PTPRT: variants seen among roughly 807,000 people sequenced by gnomAD.
The protein encoded by PTPRT is receptor-type tyrosine-protein phosphatase T.
A neutral mutation model predicts 176.8 loss-of-function variants in PTPRT; 56 were observed. That is an observed-to-expected ratio of 0.32 (90% CI 0.26 to 0.40). PTPRT has a LOEUF of 0.40. PTPRT is among the 10% of genes least tolerant of loss of function. The pLI, the probability that PTPRT is intolerant of heterozygous loss-of-function variation, is 1.00. For missense variants in PTPRT, 1,540 were observed against 1,908.2 expected (o/e 0.81, Z 3.60); for synonymous variants, 783 against 739.0 (o/e 1.06, Z -0.96).
chr20:43,129,827 C>T (rs2013586849), intron 1 of PTPRT, among the ~76,000 whole-genome samples: 1 of 151,418 alleles, frequency 6.6e-6, no homozygotes, highest in Admixed American at 6.6e-5. Context: ...ACCGTTTTAG[C>T]CGGGATGGTC....
intron 2 of PTPRT, among the ~76,000 whole-genome samples, chr20:42,818,100 T>C (rs1180885807): frequency 6.6e-6 from 1 of 152,146 alleles, no homozygotes; most frequent in African/African-American, 2.4e-5. Context: ...AGATACCCTA[T>C]ACAGGAGCAA....
At chr20:43,041,622 A>G (rs1050087545) in intron 1 of PTPRT, among the ~76,000 whole-genome samples, 1 of 152,138 alleles carries the variant, frequency 6.6e-6, no homozygotes, top group African/African-American at 2.4e-5. Context: ...ACCTCTTCCA[A>G]GAATCATTTT....
intron 2 of PTPRT, among the ~76,000 whole-genome samples, chr20:42,842,777 G>T (rs11696398): frequency 0.086 from 13,152 of 152,196 alleles, 686 homozygotes; most frequent in Admixed American, 0.15. Context: ...GTGGTGGCAG[G>T]TTCCATGTCT....
At chr20:42,129,558 C>T (rs545461306) in intron 18 of PTPRT, among the ~76,000 whole-genome samples, 22 of 152,212 alleles carry the variant, frequency 1.4e-4, no homozygotes, top group Admixed American at 5.2e-4. Context: ...AGCTCTGACA[C>T]GCTAATAGAC....
intron 6 of PTPRT, among the ~76,000 whole-genome samples, chr20:42,695,115 T>G (rs2075854295): frequency 6.6e-6 from 1 of 152,228 alleles, no homozygotes; most frequent in South Asian, 2.1e-4. Flanking sequence ...CTTGATATAT[T>G]CTAGACATTA....
intron 11 of PTPRT, among the ~76,000 whole-genome samples, chr20:42,330,723 A>G (rs1213761463): frequency 1.3e-5 from 2 of 152,070 alleles, no homozygotes; most frequent in Non-Finnish European, 2.9e-5. Context: ...TACAAATAAT[A>G]AACTTGTTTT....
At chr20:42,307,687 A>G (rs1224033425) in intron 12 of PTPRT, among the ~76,000 whole-genome samples, 2 of 152,218 alleles carry the variant, frequency 1.3e-5, no homozygotes, top group Non-Finnish European at 2.9e-5. Context: ...AAGACTCAAC[A>G]GGAACAGATA....
intron 18 of PTPRT, 113 bp from the exon 19 acceptor site, chr20:42,128,943 T>G: frequency 3.8e-6 from 3 of 780,834 alleles, no homozygotes; most frequent in Non-Finnish European, 3.7e-6. Context: ...TGTGCTACTC[T>G]CATTTAACTC....
chr20:42,521,964 T>C (rs947959831), intron 7 of PTPRT, among the ~76,000 whole-genome samples: 4 of 152,052 alleles, frequency 2.6e-5, no homozygotes, highest in East Asian at 1.9e-4. Flanking sequence ...TCCAGGTTGG[T>C]GTTCTCAAGT....
intron 12 of PTPRT, among the ~76,000 whole-genome samples, chr20:42,296,445 C>CAAAAAAAAAAAAAAAAAAA (rs139929018): frequency 8.1e-6 from 1 of 123,750 alleles, no homozygotes; most frequent in Non-Finnish European, 1.7e-5. Flanking sequence ...GACTCTGTCT[C>CAAAAAAAAAAAAAAAAAAA]AAAAAAAAAA....
chr20:43,118,656 T>A (rs1343042172), intron 1 of PTPRT, among the ~76,000 whole-genome samples: 1 of 152,180 alleles, frequency 6.6e-6, no homozygotes. Flanking sequence ...GTCAGGATGG[T>A]CTTGGTCTCC....
chr20:43,068,223 G>C (rs1179905344), intron 1 of PTPRT, among the ~76,000 whole-genome samples: 2 of 148,232 alleles, frequency 1.3e-5, no homozygotes, highest in Non-Finnish European at 3.0e-5. Context: ...ACGAATTAGG[G>C]GCCAGGCGCA....
intron 1 of PTPRT, among the ~76,000 whole-genome samples, chr20:43,160,669 T>A (rs79631256): frequency 5.9e-5 from 9 of 152,048 alleles, no homozygotes; most frequent in South Asian, 2.1e-4. Flanking sequence ...GAAAGAATAT[T>A]TTTTTTTTAA....
At chr20:42,206,383 A>T (rs2055461492) in intron 15 of PTPRT, among the ~76,000 whole-genome samples, 1 of 152,158 alleles carries the variant, frequency 6.6e-6, no homozygotes, top group South Asian at 2.1e-4. Context: ...GGTTCATCTC[A>T]CTAGGGAGTG....
intron 11 of PTPRT, among the ~76,000 whole-genome samples, chr20:42,331,898 A>C (rs190818429): frequency 4.6e-5 from 7 of 152,292 alleles, no homozygotes; most frequent in African/African-American, 1.7e-4. Context: ...CTAAGACTTC[A>C]TTTGCCTTTT....
chr20:42,469,754 G>A (rs958499242), intron 8 of PTPRT, among the ~76,000 whole-genome samples: 2 of 150,234 alleles, frequency 1.3e-5, no homozygotes, highest in Non-Finnish European at 2.9e-5. Context: ...ATGGCTACGA[G>A]GATGAACTGG....
At chr20:42,639,496 G>C (rs2074688100) in intron 7 of PTPRT, among the ~76,000 whole-genome samples, 1 of 151,958 alleles carries the variant, frequency 6.6e-6, no homozygotes, top group Non-Finnish European at 1.5e-5. Context: ...GCATTCCTTG[G>C]GTCTCAACTC....
chr20:43,128,979 C>T (rs960083409), intron 1 of PTPRT, among the ~76,000 whole-genome samples: 5 of 152,156 alleles, frequency 3.3e-5, no homozygotes, highest in East Asian at 1.9e-4. Context: ...TACATGCATG[C>T]GTGTGTATAT....
chr20:42,473,154 T>C (rs2071228780), intron 7 of PTPRT, among the ~76,000 whole-genome samples: 1 of 152,138 alleles, frequency 6.6e-6, no homozygotes. Flanking sequence ...CAGTTCATCA[T>C]TTCCTAACCT....
Sources: gnomAD v4.1 joint callset for allele counts (sites outside exome capture counted in the v4.1 genomes callset) on GRCh38, gnomAD v4.1.1 for gene constraint, MANE v1.5 for transcripts, NCBI Gene and HGNC (gene_info 2026-07-23, HGNC 2026-07-21) for gene names.